DCHS2: variants seen among roughly 807,000 people sequenced by gnomAD.
The protein encoded by DCHS2 is protocadherin-23.
Under a neutral mutation model 182.4 loss-of-function variants are expected in DCHS2, and 142 were observed. The ratio of observed to expected loss-of-function variants is 0.78; its 90% CI spans 0.68 to 0.89. The LOEUF (loss-of-function observed/expected upper bound fraction) is 0.89, where lower values mean the gene tolerates loss of function less well. DCHS2 is among the 40% of genes least tolerant of loss of function. The probability of loss-of-function intolerance (pLI) is 0.00; values close to 1 mark genes in which losing one functional copy is unlikely to be tolerated. For missense variants in DCHS2, 4,319 were observed against 4,198.6 expected (o/e 1.03, Z -0.79); for synonymous variants, 1,740 against 1,663.3 (o/e 1.05, Z -1.12).
intron 12 of DCHS2, among the ~76,000 whole-genome samples, chr4:154,302,980 CAT>C (rs544097933): frequency 0.035 from 3,116 of 89,450 alleles, 126 homozygotes; most frequent in South Asian, 0.13. Context: ...CACACACACA[CAT>C]ATTTTTTTTT....
At chr4:154,372,629 G>A (rs1730694901) in intron 2 of DCHS2, among the ~76,000 whole-genome samples, 1 of 152,140 alleles carries the variant, frequency 6.6e-6, no homozygotes, top group Non-Finnish European at 1.5e-5. Context: ...AAATGAATGG[G>A]AAAAGGAAAC....
chr4:154,234,818 G>T lies in DCHS2; in HGVS notation c.9834C>A (p.Pro3278=), dbSNP rs1265909619. The T allele has an allele frequency of 6.2e-7, 1 of 1,614,056 alleles. No homozygotes were observed. Among genetic ancestry groups the T allele is most frequent in the South Asian group, 1.1e-5 (1 of 91,082 alleles). The stretch of plus-strand genomic sequence containing the variant: ...GCTGGGCTACTGCTGTTATCAAAGG[G>T]GGTGGAAAAACAAAAGATTTCTTCT... ...PKEKKSFVFP[P]PLITAVAQPG... The change falls in exon 20 of 20, where the codon CCC becomes CCA. Residue 3278 remains proline (P), a synonymous_variant. Transcript: ENST00000357232.
At chr4:154,355,627 T>C (rs1314143832) in intron 3 of DCHS2, 1 of 152,172 alleles carries the variant, frequency 6.6e-6, no homozygotes, top group Non-Finnish European at 1.5e-5. Context: ...GAACCCTCTC[T>C]TGGGGTCTAG....
At chr4:154,364,060 C>T (rs1355272086) in intron 3 of DCHS2, among the ~76,000 whole-genome samples, 3 of 152,308 alleles carry the variant, frequency 2.0e-5, no homozygotes, top group Admixed American at 6.5e-5. Flanking sequence ...TCTAAATACA[C>T]GGGTATCAAA....
intron 1 of DCHS2, among the ~76,000 whole-genome samples, chr4:154,459,770 CTCTCTCTCTCTCTA>C (rs1734934891): frequency 8.0e-6 from 1 of 124,362 alleles, no homozygotes; most frequent in Non-Finnish European, 1.8e-5. Context: ...CTCTCTCTCT[CTCTCTCTCTCTCTA>C]TGTCTATCTC....
Position 154,235,633 on chromosome 4 carries a change from T to C in DCHS2, c.9019A>G (p.Ile3007Val). 2 of 1,613,896 alleles carry C rather than the reference T, an allele frequency of 1.2e-6. No homozygotes were observed. Among genetic ancestry groups the C allele is most frequent in the Non-Finnish European group, 1.7e-6 (2 of 1,179,946 alleles). ...SLVVSFLVFLILICILIVMIL... is the reference protein window; with the variant it reads ...SLVVSFLVFLVLICILIVMIL... ...ATTACAATTAGAATGCAGATGAGTA[T>C]CAGAAACACTAAAAAGGAGACCACC... The change falls in exon 20 of 20, where the codon ATA becomes GTA. Residue 3007 changes from isoleucine (I) to valine (V), a missense_variant. Ile to Val is a conservative substitution (Grantham distance 29). Coordinates refer to ENST00000357232, the MANE Select transcript of DCHS2 (RefSeq NM_001358235.2).
chr4:154,451,611 A>T (rs1172024149), intron 1 of DCHS2, among the ~76,000 whole-genome samples: 2 of 152,174 alleles, frequency 1.3e-5, no homozygotes, highest in East Asian at 3.9e-4. Context: ...CTTCCACATG[A>T]CATGCAGGCA....
rs553083817 is a variant in DCHS2 at position 154,358,386 on chromosome 4, T to C, written c.2476+7824A>G. Among the ~76,000 whole-genome samples, 5 of 152,312 alleles carry C rather than the reference T, an allele frequency of 3.3e-5. 1 individual carries two copies. The highest frequency in any genetic ancestry group is 7.2e-5 in the African/African-American group (3 of 41,576). On this transcript the variant is annotated intron_variant, in intron 3 of 19. Transcript: ENST00000357232. The stretch of plus-strand genomic sequence containing the variant: ...GCCCTACACTAGTTGCAGAAGTTAC[T>C]ATAATCAATACATAAAGTTTGCCCT...
At chr4:154,456,081 C>T (rs1019633858) in intron 1 of DCHS2, among the ~76,000 whole-genome samples, 3 of 150,550 alleles carry the variant, frequency 2.0e-5, no homozygotes, top group African/African-American at 7.4e-5. Context: ...CAGAGCAAGA[C>T]TCCATTTAAA....
intron 2 of DCHS2, among the ~76,000 whole-genome samples, chr4:154,368,709 G>A (rs1406501154): frequency 2.0e-5 from 3 of 152,004 alleles, no homozygotes; most frequent in Admixed American, 6.6e-5. Flanking sequence ...AGAGATGGTC[G>A]ACTGGTCTCG....
rs191585699 is a variant in DCHS2 at position 154,412,977 on chromosome 4, G to A, written c.2053-35533C>T. Among the ~76,000 whole-genome samples, 202 of 152,292 alleles carry A rather than the reference G, an allele frequency of 1.3e-3. 1 individual carries two copies. Among genetic ancestry groups the A allele is most frequent in the African/African-American group, 4.5e-3 (189 of 41,564 alleles). ...TAAGAAGAGAGGAGAAAGAGAAATA[G>A]AGAGGAAAAGGAAGAGGAGGAGGAA... On this transcript the variant is annotated intron_variant, in intron 1 of 19. Coordinates refer to ENST00000357232, the MANE Select transcript of DCHS2 (RefSeq NM_001358235.2).
In DCHS2 at chr4:154,237,080, A is replaced by G; in HGVS notation, c.7572T>C (p.Gly2524=). ...TTQFLVEASD[G]GNPDLRALTL... ...TAAGAGCTCTCAGGTCAGGATTTCC[A>G]CCATCACTGGCTTCCACAAGAAATT... The change falls in exon 20 of 20, where the codon GGT becomes GGC. Residue 2524 remains glycine (G), a synonymous_variant. Coordinates refer to ENST00000357232, the MANE Select transcript of DCHS2 (RefSeq NM_001358235.2). 1 of 1,613,884 alleles carries G rather than the reference A, an allele frequency of 6.2e-7. No homozygotes were observed. The highest frequency in any genetic ancestry group is 8.5e-7 in the Non-Finnish European group (1 of 1,179,898).
In DCHS2 at chr4:154,402,741, G is replaced by A. The variant is rs536887421; in HGVS notation, c.2053-25297C>T. On this transcript the variant is annotated intron_variant, in intron 1 of 19. Transcript: ENST00000357232. ...GACTTTGGGGAACTGTTGGGAAGGC[G>A]TGCTTTGTTTTGAAATGTGGGGACA... is the stretch of plus-strand genomic sequence containing the variant. Among the ~76,000 whole-genome samples, 6 of 152,266 alleles carry A rather than the reference G, an allele frequency of 3.9e-5. No individual in the cohort carries two copies. The East Asian group carries it at 7.7e-4, about 20-fold the overall frequency.
chr4:154,490,565 A>G lies in DCHS2; in HGVS notation c.791T>C (p.Leu264Pro). The change falls in exon 1 of 20, where the codon CTG (leucine) becomes CCG (proline). Residue 264 changes from leucine (L) to proline (P), a missense_variant. Leu to Pro is a moderately conservative substitution (Grantham distance 98). Coordinates refer to ENST00000357232, the MANE Select transcript of DCHS2 (RefSeq NM_001358235.2). ...GCCGCCGTCCCATGCCTCGATCTGCAGCCGGTGCGCCGCCGCCTCCTCTCG... is the reference window on the plus strand; with the variant it reads ...GCCGCCGTCCCATGCCTCGATCTGCGGCCGGTGCGCCGCCGCCTCCTCTCG... ...LDREEAAAHR[L>P]QIEAWDGGRP... 1 of 1,542,428 alleles carries G rather than the reference A, an allele frequency of 6.5e-7. No homozygotes were observed. Among genetic ancestry groups the G allele is most frequent in the Non-Finnish European group, 8.7e-7 (1 of 1,146,094 alleles).
chr4:154,424,792 C>G (rs1285908855), intron 1 of DCHS2, among the ~76,000 whole-genome samples: 1 of 152,118 alleles, frequency 6.6e-6, no homozygotes, highest in Non-Finnish European at 1.5e-5. Flanking sequence ...CATTCAAGCC[C>G]TCCTATTTAA....
intron 5 of DCHS2, chr4:154,331,441 G>T (rs75314406): frequency 3.7e-6 from 3 of 815,982 alleles, no homozygotes; most frequent in Non-Finnish European, 5.4e-6. Context: ...TGCAAGCAGG[G>T]TCATCCCATA....
At position 154,333,003 on chromosome 4, in the gene DCHS2, G is replaced by A. The variant is rs149462928; in HGVS notation, c.3205C>T (p.Leu1069=). Residue 1069 remains leucine, a synonymous_variant, in exon 5 of 20, where the codon CTG becomes TTG. Transcript: ENST00000357232. ...TCGCGTTTCTCGATAACGACTGTCA[G>A]CACCAGCAGGGCTGCCTGAGGATGC... is the stretch of plus-strand genomic sequence containing the variant. The part of the protein sequence containing the change: ...GVHPQAALLV[L]TVVIEKREHS... 9.1e-4 allele frequency: 1,470 copies of A among 1,614,150 alleles called. 6 individuals are homozygous for A. Among genetic ancestry groups the A allele is most frequent in the Middle Eastern group, 3.5e-3 (21 of 6,062 alleles).
chr4:154,280,637 A>G (rs1734086039), intron 13 of DCHS2, among the ~76,000 whole-genome samples: 1 of 152,162 alleles, frequency 6.6e-6, no homozygotes, highest in African/African-American at 2.4e-5. Context: ...TGATCATCTC[A>G]GTAGATGCAG....
intron 1 of DCHS2, among the ~76,000 whole-genome samples, chr4:154,471,539 C>G (rs1232848077): frequency 6.6e-6 from 1 of 152,048 alleles, no homozygotes; most frequent in Non-Finnish European, 1.5e-5. Context: ...TCCTCAGTCA[C>G]AGATGATTTT....
Sources: gnomAD v4.1 joint callset for allele counts (sites outside exome capture counted in the v4.1 genomes callset) on GRCh38, gnomAD v4.1.1 for gene constraint, MANE v1.5 for transcripts, NCBI Gene and HGNC (gene_info 2026-07-23, HGNC 2026-07-21) for gene names.